The following GSE1 variants were observed in gnomAD, a reference collection of about 807,000 sequenced individuals.
GSE1 encodes Gse1 coiled-coil protein, also known as genetic suppressor element 1.
GSE1 carries 32 observed loss-of-function variants against 112.6 expected under a neutral mutation model. The observed-to-expected ratio is 0.28, with a 90% CI of 0.21 to 0.38. The LOEUF is 0.38. Ranked by LOEUF, GSE1 falls within the 10% of genes least tolerant of loss-of-function variation. GSE1 has a pLI of 1.00. For synonymous variants in GSE1, 1,115 were observed against 735.6 expected (o/e 1.52, Z -8.35); for missense variants, 2,348 against 1,699.2 (o/e 1.38, Z -6.71).
chr16:85,203,456 G>T (rs945187646), intron 1 of GSE1, among the ~76,000 whole-genome samples: 4 of 152,164 alleles, frequency 2.6e-5, no homozygotes, highest in African/African-American at 9.7e-5. Context: ...TGCCCCTGTG[G>T]CCCCTCAGGG....
chr16:85,615,860 C>T (rs966829955), intron 1 of GSE1, among the ~76,000 whole-genome samples: 1 of 152,206 alleles, frequency 6.6e-6, no homozygotes, highest in African/African-American at 2.4e-5. Flanking sequence ...GTCAGAGCTC[C>T]CCAGCTGATC....
chr16:85,499,731 A>G (rs191156785), intron 2 of GSE1, among the ~76,000 whole-genome samples: 185 of 152,358 alleles, frequency 1.2e-3, no homozygotes, highest in African/African-American at 4.2e-3. Context: ...ATTTTTAAAA[A>G]TTTACATAAA....
At position 85,656,559 on chromosome 16, in the gene GSE1, G is replaced by A. The variant is rs1349988269; in HGVS notation, c.1206G>A (p.Lys402=). 3.2e-6 allele frequency: 5 copies of A among 1,548,192 alleles called. No individual in the cohort carries two copies. The highest frequency in any genetic ancestry group is 2.0e-5 in the Admixed American group (1 of 50,946). The change falls in exon 7 of 16, where the codon AAG becomes AAA. Residue 402 remains lysine (K), a synonymous_variant. Coordinates refer to ENST00000253458, the MANE Select transcript of GSE1 (RefSeq NM_014615.5). ...GGGAGAAGGAGCTGCTGGCCGCCAA[G>A]GCCCTGGAGCCCAGCTTCCTGCCCG... ...RAREKELLAA[K]ALEPSFLPVA...
intron 1 of GSE1, among the ~76,000 whole-genome samples, chr16:85,629,351 A>G (rs1194994774): frequency 6.6e-6 from 1 of 152,130 alleles, no homozygotes; most frequent in Non-Finnish European, 1.5e-5. Context: ...GCCACAGGAG[A>G]GAGAATTGGC....
intron 1 of GSE1, among the ~76,000 whole-genome samples, chr16:85,274,202 G>A (rs894346733): frequency 4.6e-4 from 70 of 151,456 alleles, no homozygotes; most frequent in African/African-American, 1.5e-3. Context: ...TGACCAACAT[G>A]ATGAAACCCC....
At chr16:85,591,127 T>A (rs138865358) in intron 1 of GSE1, among the ~76,000 whole-genome samples, 3 of 152,142 alleles carry the variant, frequency 2.0e-5, no homozygotes, top group Admixed American at 6.5e-5. Flanking sequence ...CCCCCTGACA[T>A]TGGTGGCAAA....
chr16:85,320,084 G>C (rs2046070828), intron 1 of GSE1, among the ~76,000 whole-genome samples: 1 of 152,230 alleles, frequency 6.6e-6, no homozygotes, highest in Non-Finnish European at 1.5e-5. Context: ...GGAGAAATCT[G>C]TCTGGGAAAC....
intron 2 of GSE1, among the ~76,000 whole-genome samples, chr16:85,530,101 C>T (rs1325244081): frequency 6.6e-6 from 1 of 152,246 alleles, no homozygotes; most frequent in Non-Finnish European, 1.5e-5. Flanking sequence ...AATGGCAGGA[C>T]TGTCTGGAAA....
intron 3 of GSE1, among the ~76,000 whole-genome samples, chr16:85,649,602 TGC>T (rs2051166077): frequency 6.6e-6 from 1 of 152,034 alleles, no homozygotes; most frequent in African/African-American, 2.4e-5. Context: ...CTGGGGCCTG[TGC>T]GCCCTCAGGT....
chr16:85,303,529 C>T (rs1393744771), intron 1 of GSE1, among the ~76,000 whole-genome samples: 1 of 152,256 alleles, frequency 6.6e-6, no homozygotes, highest in Non-Finnish European at 1.5e-5. Context: ...GGCCGCTGGA[C>T]TCGCTCATTG....
chr16:85,395,961 C>G (rs60576237), intron 2 of GSE1, among the ~76,000 whole-genome samples: 59,809 of 152,230 alleles, frequency 0.39, 14,002 homozygotes, highest in East Asian at 0.67. Context: ...AGCCCTGTCC[C>G]CCGGCTGGTA....
At chr16:85,333,087 T>A (rs968672204) in intron 1 of GSE1, among the ~76,000 whole-genome samples, 4 of 151,942 alleles carry the variant, frequency 2.6e-5, no homozygotes, top group African/African-American at 9.7e-5. Flanking sequence ...AACCCCCAAA[T>A]CAGCCAGCAC....
intron 2 of GSE1, among the ~76,000 whole-genome samples, chr16:85,544,880 G>T (rs976838376): frequency 6.6e-6 from 1 of 152,356 alleles, no homozygotes; most frequent in East Asian, 1.9e-4. Context: ...GAACAGGACC[G>T]CGGCCGGAGC....
chr16:85,245,312 G>A (rs978968800), intron 1 of GSE1, among the ~76,000 whole-genome samples: 1 of 152,204 alleles, frequency 6.6e-6, no homozygotes, highest in Non-Finnish European at 1.5e-5. Context: ...GCTAGTATTC[G>A]AGAGGCACTG....
At chr16:85,404,102 CGG>C (rs757844761) in intron 2 of GSE1, among the ~76,000 whole-genome samples, 9,165 of 133,026 alleles carry the variant, frequency 0.069, 1,578 homozygotes, top group Middle Eastern at 0.12. Context: ...AGGGCCCCCC[CGG>C]ATAATCCTCA....
In GSE1 at chr16:85,226,758, G is replaced by GGTGTGT. The variant is rs55999145; in HGVS notation, c.2283+55005_2283+55010dup. ...GGCTGCCTGTGGTGCTGCCTGGACT[G>GGTGTGT]GTGTGTGTGTGTGTGTGTGTGTGTG... On this transcript the variant is annotated intron_variant, in intron 1 of 2. Coordinates refer to the GSE1 transcript ENST00000637419. 8.4e-3 allele frequency among the ~76,000 whole-genome samples: 882 copies of GGTGTGT among 104,926 alleles called. 13 individuals are homozygous for GGTGTGT. Among genetic ancestry groups the GGTGTGT allele is most frequent in the East Asian group, 0.021 (72 of 3,474 alleles). The allele number at this position is 104,926 out of a possible 152,430, so 68.8% of individuals were successfully genotyped here.
chr16:85,652,834 G>A (rs1598600200), intron 3 of GSE1, among the ~76,000 whole-genome samples: 1 of 152,136 alleles, frequency 6.6e-6, no homozygotes, highest in East Asian at 1.9e-4. Context: ...AGACGGCCAT[G>A]GCCTCCTTGT....
chr16:85,335,422 G>A (rs1453218875), intron 1 of GSE1, among the ~76,000 whole-genome samples: 1 of 152,252 alleles, frequency 6.6e-6, no homozygotes, highest in Non-Finnish European at 1.5e-5. Context: ...GCAGGAATGA[G>A]TAATTAGCGC....
intron 2 of GSE1, among the ~76,000 whole-genome samples, chr16:85,393,715 C>T (rs1336174404): frequency 1.3e-5 from 2 of 152,210 alleles, no homozygotes; most frequent in African/African-American, 4.8e-5. Flanking sequence ...AGGCAGCAGG[C>T]GGTTCAGGGT....
Sources: gnomAD v4.1 joint callset for allele counts (sites outside exome capture counted in the v4.1 genomes callset) on GRCh38, gnomAD v4.1.1 for gene constraint, MANE v1.5 for transcripts, NCBI Gene and HGNC (gene_info 2026-07-23, HGNC 2026-07-21) for gene names.